Variants in DNAH9 observed in about 807,000 individuals in gnomAD.
DNAH9 encodes dynein axonemal heavy chain 9.
Under a neutral mutation model 471.6 loss-of-function variants are expected in DNAH9, and 345 were observed. The observed-to-expected ratio is 0.73, with a 90% CI of 0.67 to 0.80. The LOEUF (loss-of-function observed/expected upper bound fraction) is 0.80. DNAH9 is among the 30% of genes least tolerant of loss of function. The pLI, the probability that DNAH9 is intolerant of heterozygous loss-of-function variation, is 0.00. For synonymous variants in DNAH9, 2,093 were observed against 2,123.6 expected (o/e 0.99, Z 0.40); for missense variants, 5,407 against 5,609.2 (o/e 0.96, Z 1.15).
At chr17:11,746,138 T>A (rs922189348) in intron 31 of DNAH9, among the ~76,000 whole-genome samples, 1 of 152,334 alleles carries the variant, frequency 6.6e-6, no homozygotes, top group African/African-American at 2.4e-5. Context: ...ATAAGTCTCC[T>A]AGTTGAGTGA....
chr17:11,668,394 C>T (rs540246419), intron 15 of DNAH9, among the ~76,000 whole-genome samples: 16 of 152,170 alleles, frequency 1.1e-4, no homozygotes, highest in Admixed American at 2.6e-4. Flanking sequence ...TGGCTGGGCG[C>T]GGTGGCTCAT....
chr17:11,823,269 C>A (rs1970377353), intron 48 of DNAH9, among the ~76,000 whole-genome samples: 1 of 152,090 alleles, frequency 6.6e-6, no homozygotes, highest in Non-Finnish European at 1.5e-5. Flanking sequence ...GTAACAGTAT[C>A]CTCACCATCA....
chr17:11,908,345 G>T (rs764145225), intron 61 of DNAH9, among the ~76,000 whole-genome samples: 1 of 152,130 alleles, frequency 6.6e-6, no homozygotes, highest in Non-Finnish European at 1.5e-5. Context: ...ATATCAATGA[G>T]ACACATAGTG....
At chr17:11,739,060 G>GT in intron 29 of DNAH9, 23 bp downstream of exon 29, 2 of 1,535,820 alleles carry the variant, frequency 1.3e-6, no homozygotes, top group Non-Finnish European at 1.8e-6. Context: ...TCTGCCCCAT[G>GT]CAAAAGCCCC....
At chr17:11,682,421 G>C (rs1309960324) in intron 19 of DNAH9, among the ~76,000 whole-genome samples, 3 of 151,808 alleles carry the variant, frequency 2.0e-5, no homozygotes, top group African/African-American at 7.3e-5. Context: ...GGAAGCACCT[G>C]TGTTCTGGGC....
chr17:11,713,486 C>G (rs1463375949), intron 26 of DNAH9, among the ~76,000 whole-genome samples: 1 of 152,020 alleles, frequency 6.6e-6, no homozygotes, highest in East Asian at 1.9e-4. Context: ...ATACTGCTTT[C>G]CACAATGTTT....
chr17:11,769,745 T>C (rs551667873), intron 38 of DNAH9, among the ~76,000 whole-genome samples: 1 of 152,202 alleles, frequency 6.6e-6, no homozygotes, highest in Non-Finnish European at 1.5e-5. Context: ...GGTAAAAGGA[T>C]GTGATTGCCC....
Position 11,680,766 on chromosome 17 carries a change from C to T in DNAH9, c.3620C>T (p.Thr1207Ile). ...KWNNIKKVAI[T>I]VKQQVAPLQA... is the part of the protein sequence containing the mutation. ...AACAACATAAAAAAGGTGGCCATTACTGTGAAGCAGCAGGTGGCCCCACTG... is the reference window on the plus strand; with the variant it reads ...AACAACATAAAAAAGGTGGCCATTATTGTGAAGCAGCAGGTGGCCCCACTG... Residue 1207 changes from threonine to isoleucine, a missense_variant, in exon 19 of 69, where the codon ACT (threonine) becomes ATT (isoleucine). Physicochemically the swap from Thr to Ile is moderately conservative, Grantham distance 89 (BLOSUM62 -1). Coordinates refer to ENST00000262442, the MANE Select transcript of DNAH9 (RefSeq NM_001372.4). 6.2e-7 allele frequency: 1 copy of T among 1,614,002 alleles called. No individual in the cohort carries two copies. Among genetic ancestry groups the T allele is most frequent in the Non-Finnish European group, 8.5e-7 (1 of 1,179,952 alleles).
chr17:11,747,501 G>A, intron 31 of DNAH9, 55 bp from the exon 32 acceptor site: 1 of 1,420,182 alleles, frequency 7.0e-7, no homozygotes, highest in South Asian at 1.2e-5. Context: ...AAGAGCAGTT[G>A]GGATGCAGGT....
intron 52 of DNAH9, among the ~76,000 whole-genome samples, chr17:11,872,793 GCCTGTAATCC>G (rs1275525352): frequency 6.6e-6 from 1 of 152,166 alleles, no homozygotes; most frequent in Non-Finnish European, 1.5e-5. Context: ...GGTGGCGGGC[GCCTGTAATCC>G]CAGCTACTCG....
intron 12 of DNAH9, among the ~76,000 whole-genome samples, chr17:11,648,819 A>G (rs1335157950): frequency 6.6e-6 from 1 of 152,134 alleles, no homozygotes; most frequent in Non-Finnish European, 1.5e-5. Context: ...AATGTGGCCA[A>G]AGCTGGGCTA....
chr17:11,880,010 C>T (rs1972651851), intron 53 of DNAH9, 68 bp from the exon 54 acceptor site: 5 of 1,587,670 alleles, frequency 3.1e-6, no homozygotes, highest in Non-Finnish European at 4.3e-6. Context: ...ACGCTTGTCT[C>T]ATTAAATGGT....
chr17:11,877,117 C>A (rs1387808931), intron 53 of DNAH9, among the ~76,000 whole-genome samples: 1 of 151,666 alleles, frequency 6.6e-6, no homozygotes, highest in Non-Finnish European at 1.5e-5. Context: ...AGACGGCACA[C>A]AATATATGTT....
intron 49 of DNAH9, among the ~76,000 whole-genome samples, chr17:11,847,348 C>T (rs984967985): frequency 9.2e-5 from 14 of 152,216 alleles, no homozygotes; most frequent in African/African-American, 2.6e-4. Flanking sequence ...TTGGGTTTTA[C>T]ATTTAAGTCT....
At position 11,784,489 on chromosome 17, in the gene DNAH9, A is replaced by G. The variant is rs376511517; in HGVS notation, c.8011A>G (p.Ile2671Val). 1.2e-4 allele frequency: 195 copies of G among 1,614,110 alleles called. No individual in the cohort carries two copies. Among genetic ancestry groups the G allele is most frequent in the Non-Finnish European group, 1.5e-4 (182 of 1,180,046 alleles). Residue 2671 changes from isoleucine (I) to valine (V), a missense_variant, in exon 41 of 69, where the codon ATC becomes GTC. Around this residue, in one of 3 missense-constraint regions of DNAH9, gnomAD observed 4,636 missense variants for 4,900.3 expected, o/e 0.95. Coordinates refer to ENST00000262442, the MANE Select transcript of DNAH9 (RefSeq NM_001372.4). The stretch of plus-strand genomic sequence containing the variant: ...TGCTACCACCTTCCTACCCACAGGA[A>G]TCAAATTCCACTACATCTTCAACCT... Reference protein sequence around the residue: ...KIATTFLPTGIKFHYIFNLRD... With the variant: ...KIATTFLPTGVKFHYIFNLRD...
chr17:11,782,357 A>C (rs1014109574), intron 39 of DNAH9, among the ~76,000 whole-genome samples: 30 of 152,162 alleles, frequency 2.0e-4, no homozygotes, highest in Admixed American at 4.6e-4. Context: ...ATTTCATTCC[A>C]TCTTCCCTCT....
chr17:11,747,434 G>C, intron 31 of DNAH9, 122 bp from the exon 32 acceptor site: 1 of 712,754 alleles, frequency 1.4e-6, no homozygotes, highest in Non-Finnish European at 2.5e-6. Flanking sequence ...TCTTGGGGTA[G>C]ATAACTCTTC....
intron 17 of DNAH9, among the ~76,000 whole-genome samples, chr17:11,673,949 A>C (rs1249196037): frequency 2.6e-5 from 4 of 152,210 alleles, no homozygotes; most frequent in Non-Finnish European, 4.4e-5. Flanking sequence ...TTAAAACTTC[A>C]TAAAAATGAT....
chr17:11,661,193 C>T (rs145976759), intron 14 of DNAH9, among the ~76,000 whole-genome samples: 6 of 150,908 alleles, frequency 4.0e-5, no homozygotes, highest in Admixed American at 3.9e-4. Flanking sequence ...CTAAAAATAC[C>T]CTCTTGTTTT....
Sources: gnomAD v4.1 joint callset for allele counts (sites outside exome capture counted in the v4.1 genomes callset) on GRCh38, gnomAD v4.1.1 for gene constraint, gnomAD v4.1.1 regional missense constraint, MANE v1.5 for transcripts, NCBI Gene and HGNC (gene_info 2026-07-23, HGNC 2026-07-21) for gene names.